RADX: variants seen among roughly 807,000 people sequenced by gnomAD.
RADX encodes RPA1 related single stranded DNA binding protein, X-linked.
Under a neutral mutation model 61.6 loss-of-function variants are expected in RADX, and 36 were observed. The ratio of observed to expected loss-of-function variants is 0.58; its 90% CI spans 0.45 to 0.77. The LOEUF is 0.77. RADX is among the 30% of genes least tolerant of loss of function. RADX has a pLI of 0.00. For synonymous variants in RADX, 272 were observed against 237.9 expected, an observed-to-expected ratio of 1.14 and a Z score of -1.32; for missense variants, 497 against 651.1, an observed-to-expected ratio of 0.76 and a Z score of 2.58.
chrX:106,618,026 G>T (rs748922845), intron 1 of RADX, among the ~76,000 whole-genome samples: 48 of 112,066 alleles, frequency 4.3e-4, no homozygotes, highest in Non-Finnish European at 6.6e-4. Context: ...AAGCAAAAAA[G>T]AAATGCCAAT....
chrX:106,625,011 T>C, intron 2 of RADX, 79 bp from the exon 3 acceptor site: 1 of 578,426 alleles, frequency 1.7e-6, no homozygotes, highest in African/African-American at 2.3e-5. Context: ...CTCTAAATGA[T>C]CACAAATAAT....
intron 3 of RADX, among the ~76,000 whole-genome samples, chrX:106,628,676 C>T (rs1313367201): frequency 9.6e-6 from 1 of 103,681 alleles, no homozygotes; most frequent in Non-Finnish European, 1.9e-5. Flanking sequence ...CGGAGTCTTG[C>T]TATGTCACCC....
chrX:106,636,262 TA>T (rs763836278), intron 6 of RADX, among the ~76,000 whole-genome samples: 10 of 111,159 alleles, frequency 9.0e-5, no homozygotes, highest in African/African-American at 2.9e-4. Context: ...TGTACTTTCT[TA>T]AAAAAAAGGG....
intron 8 of RADX, 127 bp downstream of exon 8, chrX:106,638,051 G>A (rs1281105132): frequency 7.6e-6 from 4 of 522,999 alleles, no homozygotes; most frequent in Admixed American, 3.5e-5. Flanking sequence ...AACATTCACC[G>A]ATAATAGCTT....
At chrX:106,643,814 G>A (rs190400015) in intron 10 of RADX, among the ~76,000 whole-genome samples, 3 of 111,783 alleles carry the variant, frequency 2.7e-5, no homozygotes, top group Admixed American at 1.9e-4. Context: ...TTTCTGTGAA[G>A]AATGTCATTG....
chrX:106,634,123 A>G (rs1288391469), intron 6 of RADX, among the ~76,000 whole-genome samples: 2 of 111,157 alleles, frequency 1.8e-5, no homozygotes, highest in East Asian at 2.8e-4. Flanking sequence ...GTATATATCT[A>G]TCTATCTATC....
chrX:106,629,068 T>G (rs1924039096), intron 3 of RADX, among the ~76,000 whole-genome samples: 2 of 112,278 alleles, frequency 1.8e-5, no homozygotes, highest in Admixed American at 1.9e-4. Context: ...TCTGTATACC[T>G]TTTACAAAAT....
chrX:106,631,020 A>C (rs1319032945), intron 3 of RADX, among the ~76,000 whole-genome samples: 1 of 112,385 alleles, frequency 8.9e-6, no homozygotes, highest in African/African-American at 3.2e-5. Context: ...ATAACTTGAA[A>C]ACATCATTGA....
chrX:106,649,240 A>G (rs10521509), intron 11 of RADX, among the ~76,000 whole-genome samples: 18,630 of 111,015 alleles, frequency 0.17, 3,861 homozygotes, highest in African/African-American at 0.58. Context: ...AGTAAAAAAT[A>G]TAATTTGCGG....
At chrX:106,640,034 G>A (rs1038517491) in intron 9 of RADX, 1 of 120,966 alleles carries the variant, frequency 8.3e-6, no homozygotes, top group African/African-American at 3.3e-5. Context: ...GTAATTTGAG[G>A]CTATTGTGGG....
chrX:106,665,741 TTGAAG>T (rs1192286303), intron 12 of RADX, among the ~76,000 whole-genome samples: 14 of 112,165 alleles, frequency 1.2e-4, no homozygotes, highest in Admixed American at 4.7e-4. Context: ...CCTCGTAATT[TTGAAG>T]TGCCTTATTC....
chrX:106,655,987 T>A (rs1161305987), intron 11 of RADX, among the ~76,000 whole-genome samples: 1 of 112,454 alleles, frequency 8.9e-6, no homozygotes, highest in Non-Finnish European at 1.9e-5. Flanking sequence ...AGGAAAGATT[T>A]CTCTGTAGCA....
chrX:106,617,461 T>C (rs1390629479), intron 1 of RADX, among the ~76,000 whole-genome samples: 1 of 112,124 alleles, frequency 8.9e-6, no homozygotes, highest in Non-Finnish European at 1.9e-5. Flanking sequence ...TATTTGCCCA[T>C]TTCTCAGAGG....
intron 13 of RADX, among the ~76,000 whole-genome samples, chrX:106,672,429 C>G (rs932722159): frequency 1.8e-5 from 2 of 111,121 alleles, no homozygotes; most frequent in Non-Finnish European, 3.8e-5. Flanking sequence ...ATTCTCTGAA[C>G]TACCAGGAAG....
At chrX:106,665,537 C>T (rs968318521) in intron 12 of RADX, among the ~76,000 whole-genome samples, 4 of 110,105 alleles carry the variant, frequency 3.6e-5, no homozygotes, top group Non-Finnish European at 7.6e-5. Context: ...AATTTCCACC[C>T]CCTCCCCCAA....
At chrX:106,627,874 C>T (rs760295400) in intron 3 of RADX, among the ~76,000 whole-genome samples, 1 of 111,648 alleles carries the variant, frequency 9.0e-6, no homozygotes, top group Admixed American at 9.5e-5. Flanking sequence ...CTCACTTTGT[C>T]ACCCAGGCTG....
chrX:106,643,043 C>T (rs575449545), intron 10 of RADX, among the ~76,000 whole-genome samples: 26 of 109,926 alleles, frequency 2.4e-4, no homozygotes, highest in Admixed American at 4.8e-4. Context: ...TCAAATGAAA[C>T]GATTGTATGG....
chrX:106,668,155 G>A (rs1452586122), intron 12 of RADX, among the ~76,000 whole-genome samples: 1 of 111,911 alleles, frequency 8.9e-6, no homozygotes, highest in Non-Finnish European at 1.9e-5. Context: ...CCCATAAAAA[G>A]CAAAGAACTT....
At chrX:106,618,701 G>A (rs1926870515) in intron 1 of RADX, among the ~76,000 whole-genome samples, 1 of 110,611 alleles carries the variant, frequency 9.0e-6, no homozygotes, top group Non-Finnish European at 1.9e-5. Flanking sequence ...TTGGTGCAGG[G>A]GTGGAGTCGG....
Sources: allele counts gnomAD v4.1 joint callset (sites outside exome capture counted in the v4.1 genomes callset), GRCh38; gene constraint gnomAD v4.1.1; transcripts MANE v1.5; gene names NCBI Gene and HGNC (gene_info 2026-07-23, HGNC 2026-07-21).